Variants in DST observed in about 807,000 individuals in gnomAD.
The protein encoded by DST is bullous pemphigoid antigen.
A neutral mutation model predicts 875.2 loss-of-function variants in DST; 253 were observed. The ratio of observed to expected loss-of-function variants is 0.29; its 90% CI spans 0.26 to 0.32. The LOEUF (loss-of-function observed/expected upper bound fraction) is 0.32, where lower values mean the gene tolerates loss of function less well. Ranked by LOEUF, DST falls within the 10% of genes least tolerant of loss-of-function variation. The probability of loss-of-function intolerance (pLI) is 1.00; values close to 1 mark genes in which losing one functional copy is unlikely to be tolerated. For missense variants in DST, 8,287 were observed against 9,111.6 expected, an observed-to-expected ratio of 0.91 and a Z score of 3.68; for synonymous variants, 3,124 against 3,197.1, an observed-to-expected ratio of 0.98 and a Z score of 0.77.
At chr6:56,909,922 T>C (rs1168869790) in intron 2 of DST, among the ~76,000 whole-genome samples, 1 of 152,154 alleles carries the variant, frequency 6.6e-6, no homozygotes, top group Non-Finnish European at 1.5e-5. Flanking sequence ...AATAACCCTA[T>C]ATTAAAAGAT....
intron 61 of DST, among the ~76,000 whole-genome samples, chr6:56,547,200 G>T (rs1173764927): frequency 6.6e-6 from 1 of 152,106 alleles, no homozygotes; most frequent in Non-Finnish European, 1.5e-5. Context: ...CACCTGTTAT[G>T]CCTAGTTTGT....
chr6:56,775,100 A>G (rs1477911027), intron 4 of DST, among the ~76,000 whole-genome samples: 1 of 152,150 alleles, frequency 6.6e-6, no homozygotes, highest in Admixed American at 6.6e-5. Flanking sequence ...GAGTGTAATA[A>G]GTTTTGAGGG....
intron 9 of DST, chr6:56,692,445 T>A (rs1021817490): frequency 5.4e-6 from 7 of 1,289,374 alleles, no homozygotes; most frequent in South Asian, 3.7e-5. Flanking sequence ...GGGAATGGCA[T>A]CTCTTTTTTT....
chr6:56,840,076 A>G (rs2153071822), intron 4 of DST, among the ~76,000 whole-genome samples: 1 of 152,362 alleles, frequency 6.6e-6, no homozygotes, highest in Non-Finnish European at 1.5e-5. Context: ...AATTACATCT[A>G]TAAGGTATAG....
chr6:56,947,313 C>T (rs1049398203), intron 2 of DST, among the ~76,000 whole-genome samples: 10 of 149,232 alleles, frequency 6.7e-5, no homozygotes, highest in South Asian at 2.1e-4. Flanking sequence ...TGCAGTGGCA[C>T]GATCTTGGCT....
At position 56,527,651 on chromosome 6, in the gene DST, C is replaced by T. The variant is rs781217704; in HGVS notation, c.17764G>A (p.Ala5922Thr). 2.6e-5 allele frequency: 42 copies of T among 1,613,638 alleles called. 2 individuals carry two copies. The Middle Eastern group carries it at 8.2e-4, about 32-fold the overall frequency. ...TGCAGCGCCTGTTCCAGAGTCTTGG[C>T]CACATCAGTGCTCAGTTTAGTAATG... ...KDITKLSTDV[A>T]KTLEQALQLA... is the part of the protein sequence containing the mutation. Residue 5922 changes from alanine (A) to threonine (T), a missense_variant, in exon 68 of 104, where the codon GCC becomes ACC. Transcript: ENST00000680361.
In DST at chr6:56,519,753, G is replaced by A. The variant is rs543190733; in HGVS notation, c.18130-2133C>T. ...GAACCTGGACTTCTATCTTCACCTG[G>A]TAGCACCCCCACCTTCTGCCAGAGT... On this transcript the variant is annotated intron_variant, in intron 69 of 103. Coordinates refer to ENST00000680361, the MANE Select transcript of DST (RefSeq NM_001374736.1). Among the ~76,000 whole-genome samples, 77 of 152,258 alleles carry A rather than the reference G, an allele frequency of 5.1e-4. 1 individual carries two copies. The highest frequency in any genetic ancestry group is 3.4e-3 in the Middle Eastern group (1 of 294).
chr6:56,848,965 A>T (rs112315969), intron 4 of DST, among the ~76,000 whole-genome samples: 37,964 of 151,392 alleles, frequency 0.25, 6,423 homozygotes, highest in African/African-American at 0.48. Flanking sequence ...CTTGAACCCA[A>T]GAGGCGGAGG....
intron 79 of DST, 110 bp downstream of exon 79, chr6:56,501,410 T>G: frequency 8.6e-7 from 1 of 1,156,832 alleles, no homozygotes; most frequent in Non-Finnish European, 1.2e-6. Flanking sequence ...ATGGTTAAAA[T>G]AGAATATATG....
chr6:56,826,035 C>T (rs1442116325), intron 4 of DST, among the ~76,000 whole-genome samples: 3 of 152,198 alleles, frequency 2.0e-5, no homozygotes, highest in African/African-American at 4.8e-5. Flanking sequence ...ACAAAACAAA[C>T]GGATCCTTTG....
At chr6:56,873,913 T>C (rs986332969) in intron 3 of DST, among the ~76,000 whole-genome samples, 7 of 152,206 alleles carry the variant, frequency 4.6e-5, no homozygotes, top group Admixed American at 4.6e-4. Context: ...AATATCCCAA[T>C]TGTGATCTGA....
chr6:56,463,824 A>G lies in DST; in HGVS notation c.22760-60T>C. On this transcript the variant is annotated intron_variant, in intron 100 of 103. Coordinates refer to ENST00000680361, the MANE Select transcript of DST (RefSeq NM_001374736.1). ...AAAGACGGAAAAGAAGAGGCGCTCA[A>G]TCGTTAATGGGAAGAACGGCCACCT... 3.2e-6 allele frequency: 5 copies of G among 1,561,996 alleles called. No individual in the cohort carries two copies. The South Asian group carries it at 3.3e-5, about 10-fold the overall frequency.
At chr6:56,674,163 C>A (rs942869861) in intron 9 of DST, among the ~76,000 whole-genome samples, 1 of 152,174 alleles carries the variant, frequency 6.6e-6, no homozygotes, top group Non-Finnish European at 1.5e-5. Flanking sequence ...AAGCTACCTC[C>A]CTTCAAAACC....
rs957760280 is a variant in DST, at chr6:56,490,044, C to T, written c.20758-435G>A. On this transcript the variant is annotated intron_variant, in intron 85 of 103. Coordinates refer to ENST00000680361, the MANE Select transcript of DST (RefSeq NM_001374736.1). The stretch of plus-strand genomic sequence containing the variant: ...TAATCCCTATGTTAAGAAAGAGGAA[C>T]AAAAATGGGGAGGGGTAAGTATAAA... Among the ~76,000 whole-genome samples the T allele has an allele frequency of 3.9e-5, 6 of 152,024 alleles. No individual in the cohort carries two copies. The South Asian group carries it at 6.2e-4, about 16-fold the overall frequency.
intron 71 of DST, among the ~76,000 whole-genome samples, chr6:56,516,155 AAGAG>A (rs375737748): frequency 8.9e-5 from 12 of 135,404 alleles, no homozygotes; most frequent in Non-Finnish European, 1.5e-4. Flanking sequence ...GAGAAAGAGA[AAGAG>A]AGAAAGAGAA....
chr6:56,782,929 G>T (rs561274147), intron 4 of DST, among the ~76,000 whole-genome samples: 99 of 152,166 alleles, frequency 6.5e-4, no homozygotes, highest in African/African-American at 2.3e-3. Context: ...TTGTGACTTT[G>T]TTCTCGTTGG....
chr6:56,855,050 G>T (rs1323175584), intron 3 of DST, among the ~76,000 whole-genome samples: 2 of 152,242 alleles, frequency 1.3e-5, no homozygotes, highest in African/African-American at 4.8e-5. Flanking sequence ...GCTGGCCTAC[G>T]TCATAATACT....
At chr6:56,793,107 G>T (rs1017544711) in intron 4 of DST, among the ~76,000 whole-genome samples, 3 of 144,274 alleles carry the variant, frequency 2.1e-5, no homozygotes, top group Non-Finnish European at 4.6e-5. Flanking sequence ...AAAGCAAAAG[G>T]TTAGGAGAGG....
At chr6:56,472,829 T>C (rs1244492276) in intron 93 of DST, among the ~76,000 whole-genome samples, 2 of 152,216 alleles carry the variant, frequency 1.3e-5, no homozygotes, top group East Asian at 3.8e-4. Flanking sequence ...TACTAAACTT[T>C]CCTCCTGCTT....
Sources: allele counts gnomAD v4.1 joint callset (sites outside exome capture counted in the v4.1 genomes callset), GRCh38; gene constraint gnomAD v4.1.1; transcripts MANE v1.5; gene names NCBI Gene and HGNC (gene_info 2026-07-23, HGNC 2026-07-21).